Variants in RANBP2 observed in about 807,000 individuals in gnomAD.
The protein encoded by RANBP2 is RAN binding protein 2.
Under a neutral mutation model 303.6 loss-of-function variants are expected in RANBP2, and 57 were observed. The ratio of observed to expected loss-of-function variants is 0.19; its 90% confidence interval spans 0.15 to 0.23. The LOEUF is 0.23. Ranked by LOEUF, RANBP2 falls within the 10% of genes least tolerant of loss-of-function variation. The pLI is 1.00. For synonymous variants in RANBP2, 1,167 were observed against 1,301.5 expected (o/e 0.90, Z 2.23); for missense variants, 3,138 against 3,780.8 (o/e 0.83, Z 4.46).
the RANBP2 span, among the ~76,000 whole-genome samples, chr2:109,038,049 A>G: frequency 6.6e-6 from 1 of 152,222 alleles, no homozygotes; most frequent in African/African-American, 2.4e-5. Context: ...CTGTGTAGCT[A>G]CAGTAATCAA....
At chr2:109,454,794 G>A in the RANBP2 span, among the ~76,000 whole-genome samples, 77 of 152,008 alleles carry the variant, frequency 5.1e-4, no homozygotes, top group Non-Finnish European at 6.3e-4. Context: ...AAAACATCTC[G>A]AAGCCTTAGG....
At chr2:109,466,690 G>T in the RANBP2 span, among the ~76,000 whole-genome samples, 1 of 152,288 alleles carries the variant, frequency 6.6e-6, no homozygotes, top group Non-Finnish European at 1.5e-5. Flanking sequence ...TTATCTTCTA[G>T]GAGTTTCATA....
the RANBP2 span, among the ~76,000 whole-genome samples, chr2:108,807,570 G>A: frequency 2.6e-5 from 4 of 152,232 alleles, no homozygotes; most frequent in East Asian, 7.7e-4. Context: ...TAGTTACCCT[G>A]TAGTGCTATA....
At chr2:108,791,617 C>A in the RANBP2 span, 1 of 1,561,838 alleles carries the variant, frequency 6.4e-7, no homozygotes, top group Non-Finnish European at 8.8e-7. Flanking sequence ...GCAGTTTTAT[C>A]TTTTTAAAGT....
At chr2:108,987,314 A>G in the RANBP2 span, among the ~76,000 whole-genome samples, 1 of 152,224 alleles carries the variant, frequency 6.6e-6, no homozygotes, top group African/African-American at 2.4e-5. Flanking sequence ...CTTTGACTAG[A>G]AGAGGCTCCC....
the RANBP2 span, chr2:109,398,659 G>T: frequency 5.0e-6 from 8 of 1,606,126 alleles, no homozygotes; most frequent in East Asian, 1.3e-4. Context: ...CAGCTGCAAT[G>T]CCTCCCTGCC....
the RANBP2 span, among the ~76,000 whole-genome samples, chr2:109,013,322 C>A: frequency 6.6e-6 from 1 of 152,202 alleles, no homozygotes; most frequent in African/African-American, 2.4e-5. Flanking sequence ...GTCAAGTTCA[C>A]AGCAGGTTTT....
chr2:108,927,579 T>C, the RANBP2 span, among the ~76,000 whole-genome samples: 1 of 152,144 alleles, frequency 6.6e-6, no homozygotes, highest in African/African-American at 2.4e-5. Flanking sequence ...GCCAGCAGCA[T>C]AGGTCGGCGA....
At chr2:109,395,023 G>A in the RANBP2 span, among the ~76,000 whole-genome samples, 1 of 152,248 alleles carries the variant, frequency 6.6e-6, no homozygotes, top group Non-Finnish European at 1.5e-5. Flanking sequence ...TGGCACCGGT[G>A]CCAAATTCAG....
chr2:108,972,599 T>A, the RANBP2 span, among the ~76,000 whole-genome samples: 1 of 152,228 alleles, frequency 6.6e-6, no homozygotes, highest in Non-Finnish European at 1.5e-5. Flanking sequence ...ACGCCAAGTG[T>A]TGGTAAAACA....
At chr2:108,839,884 G>A in the RANBP2 span, among the ~76,000 whole-genome samples, 2 of 151,362 alleles carry the variant, frequency 1.3e-5, no homozygotes, top group East Asian at 3.9e-4. Context: ...TATTGCATTA[G>A]CTAGAGTTTC....
At chr2:109,579,541 G>A in the RANBP2 span, among the ~76,000 whole-genome samples, 3 of 151,656 alleles carry the variant, frequency 2.0e-5, no homozygotes, top group Admixed American at 6.6e-5. Flanking sequence ...CTGCCACCAC[G>A]CCTGGCTAAT....
the RANBP2 span, among the ~76,000 whole-genome samples, chr2:109,632,331 C>A: frequency 2.0e-5 from 3 of 152,150 alleles, no homozygotes; most frequent in Non-Finnish European, 4.4e-5. Flanking sequence ...AGTCAGAGTA[C>A]AATTGCCCTG....
At chr2:109,023,118 A>G in the RANBP2 span, among the ~76,000 whole-genome samples, 27 of 152,230 alleles carry the variant, frequency 1.8e-4, no homozygotes, top group Non-Finnish European at 2.6e-4. Context: ...CCTTGATAAT[A>G]TGTACAGAAT....
At chr2:109,474,401 C>T in the RANBP2 span, among the ~76,000 whole-genome samples, 8 of 152,158 alleles carry the variant, frequency 5.3e-5, no homozygotes, top group African/African-American at 1.9e-4. Flanking sequence ...AGCTCTCCCC[C>T]TAACAGAGAA....
chr2:109,682,785 A>G, the RANBP2 span, among the ~76,000 whole-genome samples: 1 of 152,118 alleles, frequency 6.6e-6, no homozygotes, highest in Non-Finnish European at 1.5e-5. Flanking sequence ...TTATTTATAT[A>G]TATGTATCAA....
At chr2:109,617,134 T>C in the RANBP2 span, 1 of 166,720 alleles carries the variant, frequency 6.0e-6, no homozygotes, top group Admixed American at 6.5e-5. Flanking sequence ...TTTATTTTAA[T>C]ACATTGGTAG....
chr2:108,970,371 C>G, the RANBP2 span, among the ~76,000 whole-genome samples: 1 of 152,238 alleles, frequency 6.6e-6, no homozygotes, highest in East Asian at 1.9e-4. Flanking sequence ...TAAAGGTTAG[C>G]AAGAAGAGAA....
the RANBP2 span, among the ~76,000 whole-genome samples, chr2:109,304,956 G>A: frequency 6.2e-4 from 94 of 152,276 alleles, no homozygotes; most frequent in African/African-American, 2.2e-3. Context: ...TAAAATCAGC[G>A]TCAACTTATG....
Sources: gnomAD v4.1 joint callset for allele counts (sites outside exome capture counted in the v4.1 genomes callset) on GRCh38, gnomAD v4.1.1 for gene constraint, MANE v1.5 for transcripts, NCBI Gene and HGNC (gene_info 2026-07-23, HGNC 2026-07-21) for gene names.